Variants in RBM20 observed in about 807,000 individuals in gnomAD.
RBM20 encodes RNA-binding protein 20.
In RBM20, 51 loss-of-function variants were observed where a neutral mutation model predicts 110.1. That is an observed-to-expected ratio of 0.46 (90% CI 0.37 to 0.59). The LOEUF (loss-of-function observed/expected upper bound fraction) is 0.59. RBM20 is among the 20% of genes least tolerant of loss of function. The pLI is 0.00. For missense variants in RBM20, 1,512 were observed against 1,574.9 expected, an observed-to-expected ratio of 0.96 and a Z score of 0.68; for synonymous variants, 589 against 618.2, an observed-to-expected ratio of 0.95 and a Z score of 0.70.
At chr10:110,772,190 C>T (rs761890435) in intron 1 of RBM20, among the ~76,000 whole-genome samples, 2 of 152,240 alleles carry the variant, frequency 1.3e-5, no homozygotes, top group Non-Finnish European at 2.9e-5. Flanking sequence ...ACATTTCACT[C>T]TGAAAGCTGT....
chr10:110,811,278 T>C (rs1844764430), intron 8 of RBM20, among the ~76,000 whole-genome samples: 1 of 152,214 alleles, frequency 6.6e-6, no homozygotes, highest in African/African-American at 2.4e-5. Flanking sequence ...CAGTGAGGGC[T>C]ACGTGGTTTT....
intron 9 of RBM20, among the ~76,000 whole-genome samples, chr10:110,813,862 A>G (rs1156248693): frequency 6.8e-6 from 1 of 147,846 alleles, no homozygotes; most frequent in Admixed American, 6.7e-5. Context: ...AAAAAAATGC[A>G]TGGCAATGGC....
At chr10:110,750,509 G>A (rs1445431033) in intron 1 of RBM20, among the ~76,000 whole-genome samples, 1 of 152,190 alleles carries the variant, frequency 6.6e-6, no homozygotes, top group Non-Finnish European at 1.5e-5. Flanking sequence ...GAACGCGTGG[G>A]GAAGAGCATC....
Position 110,781,210 on chromosome 10 carries a change from G to A in RBM20, c.601G>A (p.Gly201Arg). The change falls in exon 2 of 14, where the codon GGG (glycine) becomes AGG (arginine). Residue 201 changes from glycine (G) to arginine (R), a missense_variant. Around this residue, in one of 3 missense-constraint regions of RBM20, gnomAD observed 1,149 missense variants for 1,169.4 expected, o/e 0.98. Transcript: ENST00000369519. ...TGCCATGGTGATGCATCCTTTCACT[G>A]GGGTAATGCCTCAGACCCCTGGCCA... ...PSAMVMHPFTGVMPQTPGQPA... is the reference protein window; with the variant it reads ...PSAMVMHPFTRVMPQTPGQPA... The A allele has an allele frequency of 6.4e-7, 1 of 1,551,650 alleles. No homozygotes were observed. Among genetic ancestry groups the A allele is most frequent in the Non-Finnish European group, 8.7e-7 (1 of 1,147,016 alleles).
In RBM20 at chr10:110,836,918, T is replaced by A. The variant is rs922909442; in HGVS notation, c.*940T>A. ...CCTCTCTGCAAAGCACAGCTTTGGC[T>A]CGAGAGGCACAGCTCCAGGCTGTGG... On this transcript the variant is annotated 3_prime_UTR_variant, in exon 14 of 14. Coordinates refer to ENST00000369519, the MANE Select transcript of RBM20 (RefSeq NM_001134363.3). The A allele has an allele frequency of 2.6e-5, 4 of 152,228 alleles. No individual in the cohort carries two copies. Among genetic ancestry groups the A allele is most frequent in the African/African-American group, 9.6e-5 (4 of 41,464 alleles). 9.4% of individuals were successfully genotyped at this position (152,228 alleles called of 1,614,324 possible).
chr10:110,654,628 G>A (rs1454133096), intron 1 of RBM20, among the ~76,000 whole-genome samples: 1 of 152,196 alleles, frequency 6.6e-6, no homozygotes, highest in Non-Finnish European at 1.5e-5. Context: ...GGGCTGGTCA[G>A]TGACTAGCAG....
chr10:110,644,312 C>T (rs1256064792), upstream of RBM20: 2 of 566,270 alleles, frequency 3.5e-6, no homozygotes, highest in African/African-American at 2.0e-5. The surrounding 1 kb of genome is among the most constrained non-coding windows in gnomAD (Gnocchi z 4.3). Context: ...ACTGCCTCCT[C>T]CCCGCCCCTC....
chr10:110,778,556 A>C (rs1158907710), intron 1 of RBM20, among the ~76,000 whole-genome samples: 1 of 152,222 alleles, frequency 6.6e-6, no homozygotes, highest in Non-Finnish European at 1.5e-5. Flanking sequence ...AAGGTGTCCC[A>C]GTTGTGCAGT....
Position 110,781,399 on chromosome 10 carries a change from G to A in RBM20, c.790G>A (p.Glu264Lys). The A allele has an allele frequency of 6.4e-7, 1 of 1,551,668 alleles. No individual in the cohort carries two copies. The highest frequency in any genetic ancestry group is 8.7e-7 in the Non-Finnish European group (1 of 1,147,002). ...SASTSGSVTY[E>K]GHYSHTGQDG... ...CTCAACCTCGGGCAGTGTGACCTATGAAGGGCACTACAGCCACACAGGGCA... is the reference window on the plus strand; with the variant it reads ...CTCAACCTCGGGCAGTGTGACCTATAAAGGGCACTACAGCCACACAGGGCA... Residue 264 changes from glutamate (E) to lysine (K), a missense_variant, in exon 2 of 14, where the codon GAA becomes AAA. Transcript: ENST00000369519.
chr10:110,733,503 A>G (rs932384800), intron 1 of RBM20, among the ~76,000 whole-genome samples: 2 of 152,256 alleles, frequency 1.3e-5, no homozygotes, highest in Non-Finnish European at 2.9e-5. Flanking sequence ...CAGAGGAGGC[A>G]TGCAGTGATT....
chr10:110,661,829 G>A (rs558826890), intron 1 of RBM20, among the ~76,000 whole-genome samples: 20 of 152,172 alleles, frequency 1.3e-4, no homozygotes, highest in African/African-American at 4.3e-4. Context: ...GACCAACATG[G>A]CAAAACCCCG....
In RBM20 at chr10:110,812,357, T is replaced by C. The variant is rs1275195637; in HGVS notation, c.1960T>C (p.Ser654Pro). The change falls in exon 9 of 14, where the codon TCC becomes CCC. Residue 654 changes from serine to proline, a missense_variant. Transcript: ENST00000369519. The stretch of plus-strand genomic sequence containing the variant: ...GAGGTCCCACACTCCCAGCTTCACC[T>C]CCTGCAGCTCTTCCCACAGCCCTCC... ...SPRSHTPSFT[S>P]CSSSHSPPGP... The C allele has an allele frequency of 1.1e-5, 17 of 1,551,390 alleles. No homozygotes were observed. In the Admixed American group the frequency reaches 1.6e-4, roughly 14 times the overall value.
At position 110,794,884 on chromosome 10, in the gene RBM20, A is replaced by C. The variant is rs145858063; in HGVS notation, c.1528-2624A>C. Among the ~76,000 whole-genome samples the C allele has an allele frequency of 6.3e-3, 955 of 152,366 alleles. 10 individuals are homozygous for C. Among genetic ancestry groups the C allele is most frequent in the African/African-American group, 0.022 (906 of 41,590 alleles). Reference sequence around the variant, plus strand: ...GTTTTTTCTACTACCCAGCAGCAGCAGTTGCTGTGCTATGTTCCAATAAAA... The same window carrying C: ...GTTTTTTCTACTACCCAGCAGCAGCCGTTGCTGTGCTATGTTCCAATAAAA... On this transcript the variant is annotated intron_variant, in intron 5 of 13. Coordinates refer to ENST00000369519, the MANE Select transcript of RBM20 (RefSeq NM_001134363.3).
At chr10:110,769,149 T>C (rs1476851603) in intron 1 of RBM20, among the ~76,000 whole-genome samples, 1 of 152,250 alleles carries the variant, frequency 6.6e-6, no homozygotes, top group Non-Finnish European at 1.5e-5. Context: ...TGAGTCAATC[T>C]CTGGAGGTGG....
At position 110,821,810 on chromosome 10, in the gene RBM20, A is replaced by G. The variant is rs1360165424; in HGVS notation, c.3191A>G (p.Asp1064Gly). Residue 1064 changes from aspartate to glycine, a missense_variant, in exon 11 of 14, where the codon GAT (aspartate) becomes GGT (glycine). Asp to Gly is a moderately conservative substitution (Grantham distance 94). Transcript: ENST00000369519. ...GCCCGGCAGCCAAGCCCATTTGTGGATGATTGCAAGACCAGGGGGACCCCC... is the reference window on the plus strand; with the variant it reads ...GCCCGGCAGCCAAGCCCATTTGTGGGTGATTGCAAGACCAGGGGGACCCCC... ...ERARQPSPFV[D>G]DCKTRGTPED... 2.6e-6 allele frequency: 4 copies of G among 1,551,726 alleles called. No individual in the cohort carries two copies. Among genetic ancestry groups the G allele is most frequent in the Admixed American group, 3.9e-5 (2 of 51,010 alleles).
rs574705406 is a variant in RBM20, at chr10:110,680,686, G to A, written c.191+36041G>A. Among the ~76,000 whole-genome samples the A allele has an allele frequency of 2.0e-5, 3 of 152,308 alleles. No individual in the cohort carries two copies. The South Asian group carries it at 6.2e-4, about 32-fold the overall frequency. Reference sequence around the variant, plus strand: ...GGGGGCGGGGAGGGTGCACGCCTGGGGGAGGCTGTGACCCACCTTTCATAG... The same window carrying A: ...GGGGGCGGGGAGGGTGCACGCCTGGAGGAGGCTGTGACCCACCTTTCATAG... On this transcript the variant is annotated intron_variant, in intron 1 of 13. Transcript: ENST00000369519.
intron 1 of RBM20, among the ~76,000 whole-genome samples, chr10:110,687,272 G>A (rs1188174917): frequency 1.3e-5 from 2 of 151,806 alleles, no homozygotes; most frequent in Non-Finnish European, 1.5e-5. Context: ...TCCTTAAAAT[G>A]TCATAGCTAA....
rs556897484 is a variant in RBM20, at chr10:110,812,679, G to A, written c.2282G>A (p.Arg761Gln). 1.5e-5 allele frequency: 24 copies of A among 1,551,694 alleles called. No homozygotes were observed. The highest frequency in any genetic ancestry group is 4.1e-5 in the African/African-American group (3 of 73,160). The change falls in exon 9 of 14, where the codon CGG becomes CAG. Residue 761 changes from arginine to glutamine, a missense_variant. By Grantham distance (43) the Arg-to-Gln change is conservative. Transcript: ENST00000369519. ...SYKSREDGYY[R>Q]KEPKAKSDKY... is the part of the protein sequence containing the mutation. Reference sequence around the variant, plus strand: ...AAAAGCCGTGAAGACGGCTACTACCGGAAAGAGCCCAAAGCCAAGTCGGAC... The same window carrying A: ...AAAAGCCGTGAAGACGGCTACTACCAGAAAGAGCCCAAAGCCAAGTCGGAC...
chr10:110,719,313 A>G (rs1047780709), intron 1 of RBM20, among the ~76,000 whole-genome samples: 1 of 152,230 alleles, frequency 6.6e-6, no homozygotes, highest in Non-Finnish European at 1.5e-5. Context: ...TCCTCTGAAC[A>G]CTGGCAGAGT....
Sources: gnomAD v4.1 joint callset for allele counts (sites outside exome capture counted in the v4.1 genomes callset) on GRCh38, gnomAD v4.1.1 for gene constraint, gnomAD v4.1.1 regional missense constraint, Gnocchi (gnomAD v3.1) non-coding constraint, MANE v1.5 for transcripts, NCBI Gene and HGNC (gene_info 2026-07-23, HGNC 2026-07-21) for gene names.